PTPRT: variants seen among roughly 807,000 people sequenced by gnomAD.
PTPRT encodes the protein protein tyrosine phosphatase receptor type T.
PTPRT carries 56 observed loss-of-function variants against 176.8 expected under a neutral mutation model. The observed-to-expected ratio is 0.32, with a 90% CI of 0.26 to 0.40. The LOEUF is 0.40. Among genes scored for constraint, PTPRT ranks in the 10% least tolerant of loss-of-function variants. The pLI is 1.00. For synonymous variants in PTPRT, 783 were observed against 739.0 expected (o/e 1.06, Z -0.96); for missense variants, 1,540 against 1,908.2 (o/e 0.81, Z 3.60).
At chr20:43,015,973 AC>A (rs1211068694) in intron 1 of PTPRT, among the ~76,000 whole-genome samples, 1 of 149,952 alleles carries the variant, frequency 6.7e-6, no homozygotes, top group East Asian at 1.9e-4. Context: ...GCCCACGTCC[AC>A]ATTGCGACAT....
chr20:42,227,196 AGAGGAAAGAAG>A (rs927941122), intron 15 of PTPRT, among the ~76,000 whole-genome samples: 11 of 151,966 alleles, frequency 7.2e-5, no homozygotes, highest in Admixed American at 1.3e-4. Context: ...GAGGAAGGGA[AGAGGAAAGAAG>A]GAGGGAAGGA....
At chr20:42,488,457 C>G (rs1205308253) in intron 7 of PTPRT, among the ~76,000 whole-genome samples, 1 of 151,996 alleles carries the variant, frequency 6.6e-6, no homozygotes, top group Non-Finnish European at 1.5e-5. Context: ...TATTTTTTAC[C>G]ATTACTATTT....
At chr20:42,509,619 T>C (rs6030291) in intron 7 of PTPRT, among the ~76,000 whole-genome samples, 37,494 of 149,412 alleles carry the variant, frequency 0.25, 6,249 homozygotes, top group African/African-American at 0.48. Context: ...CGATATAGAA[T>C]TGGCCTTTAT....
chr20:42,208,468 AC>A (rs2055531041), intron 15 of PTPRT, among the ~76,000 whole-genome samples: 1 of 152,060 alleles, frequency 6.6e-6, no homozygotes, highest in African/African-American at 2.4e-5. Flanking sequence ...CAAATGGAAA[AC>A]AAAAAAAAGG....
chr20:42,711,697 G>A (rs2076146602), intron 6 of PTPRT, among the ~76,000 whole-genome samples: 1 of 151,964 alleles, frequency 6.6e-6, no homozygotes, highest in Non-Finnish European at 1.5e-5. Context: ...CCCATGTATA[G>A]AGTAGAGCCC....
At chr20:43,171,892 C>A (rs2054149309) in intron 1 of PTPRT, among the ~76,000 whole-genome samples, 1 of 152,200 alleles carries the variant, frequency 6.6e-6, no homozygotes, top group African/African-American at 2.4e-5. Flanking sequence ...CCCCTCTCCT[C>A]CTGCCATACC....
chr20:42,740,983 GTGTGCA>G (rs746447838), intron 6 of PTPRT, among the ~76,000 whole-genome samples: 15 of 152,332 alleles, frequency 9.8e-5, no homozygotes, highest in Middle Eastern at 3.4e-3. Context: ...GAGAGAGAGA[GTGTGCA>G]TGTGCATGTG....
chr20:42,174,203 A>G (rs994307803), intron 16 of PTPRT, among the ~76,000 whole-genome samples: 1 of 152,184 alleles, frequency 6.6e-6, no homozygotes, highest in Non-Finnish European at 1.5e-5. Flanking sequence ...TATGCAAAAG[A>G]ACTTAGAAGA....
chr20:43,088,245 G>A (rs2011683552), intron 1 of PTPRT, among the ~76,000 whole-genome samples: 1 of 151,814 alleles, frequency 6.6e-6, no homozygotes, highest in Non-Finnish European at 1.5e-5. Flanking sequence ...TACCATCTTA[G>A]TTCAAGAGTA....
rs555889679 is a variant in PTPRT at position 42,396,638 on chromosome 20, T to C, written c.1561-44353A>G. Among the ~76,000 whole-genome samples the C allele has an allele frequency of 3.3e-5, 5 of 152,332 alleles. No homozygotes were observed. In the East Asian group the frequency reaches 9.6e-4, roughly 29 times the overall value. On this transcript the variant is annotated intron_variant, in intron 9 of 30. Coordinates refer to ENST00000373187, the MANE Select transcript of PTPRT (RefSeq NM_007050.6). Reference sequence around the variant, plus strand: ...GTGCAGTGGTGTGATCCCAGCTCACTGCAACCTCTGCCTCCCGGGTTCAAG... The same window carrying C: ...GTGCAGTGGTGTGATCCCAGCTCACCGCAACCTCTGCCTCCCGGGTTCAAG...
At chr20:42,683,413 G>C (rs955859028) in intron 6 of PTPRT, among the ~76,000 whole-genome samples, 14 of 152,058 alleles carry the variant, frequency 9.2e-5, no homozygotes, top group African/African-American at 3.1e-4. Flanking sequence ...AAGTAGCTGG[G>C]ATTACAGGCA....
intron 6 of PTPRT, among the ~76,000 whole-genome samples, chr20:42,709,050 C>T (rs1279659731): frequency 1.3e-5 from 2 of 152,222 alleles, no homozygotes; most frequent in African/African-American, 4.8e-5. Context: ...CCAAATACTA[C>T]ATGGTGTAAT....
At chr20:42,067,492 T>C in the PTPRT span, among the ~76,000 whole-genome samples, 1 of 152,148 alleles carries the variant, frequency 6.6e-6, no homozygotes, top group South Asian at 2.1e-4. Flanking sequence ...ACCCCACTGG[T>C]CAACCACCCT....
At chr20:42,415,362 T>TTTTGTTTG (rs10622657) in intron 9 of PTPRT, among the ~76,000 whole-genome samples, 218 of 149,778 alleles carry the variant, frequency 1.5e-3, no homozygotes, top group East Asian at 5.0e-3. Flanking sequence ...TTTTTGTCTT[T>TTTTGTTTG]TTTGTTTGTT....
chr20:42,679,385 A>C (rs1372892974), intron 6 of PTPRT, among the ~76,000 whole-genome samples: 1 of 152,154 alleles, frequency 6.6e-6, no homozygotes, highest in Non-Finnish European at 1.5e-5. Flanking sequence ...TTATATCCGC[A>C]TGCCTTCCTG....
intron 4 of PTPRT, among the ~76,000 whole-genome samples, chr20:42,776,063 C>T (rs957923886): frequency 1.3e-5 from 2 of 152,264 alleles, no homozygotes; most frequent in Non-Finnish European, 2.9e-5. Context: ...GCAGCCTGCT[C>T]AGTTCTTCCC....
chr20:43,033,037 C>T (rs1288525475), intron 1 of PTPRT, among the ~76,000 whole-genome samples: 5 of 152,092 alleles, frequency 3.3e-5, no homozygotes, highest in African/African-American at 9.7e-5. Context: ...GTGGTGTGTG[C>T]GGTACCTGAG....
chr20:42,313,889 C>T (rs1281329083), intron 12 of PTPRT, among the ~76,000 whole-genome samples: 4 of 152,116 alleles, frequency 2.6e-5, no homozygotes, highest in African/African-American at 9.7e-5. Flanking sequence ...AAATGCAGAA[C>T]TGAAATACCA....
intron 9 of PTPRT, among the ~76,000 whole-genome samples, chr20:42,445,272 T>C (rs2059352716): frequency 6.6e-6 from 1 of 152,234 alleles, no homozygotes; most frequent in Non-Finnish European, 1.5e-5. Flanking sequence ...ACAGCTAACA[T>C]TTATAATGTT....
Sources: gnomAD v4.1 joint callset for allele counts (sites outside exome capture counted in the v4.1 genomes callset) on GRCh38, gnomAD v4.1.1 for gene constraint, MANE v1.5 for transcripts, NCBI Gene and HGNC (gene_info 2026-07-23, HGNC 2026-07-21) for gene names.